Variants in CDCP1 observed in about 807,000 individuals in gnomAD.
The protein encoded by CDCP1 is CUB domain-containing protein 1.
CDCP1 carries 29 observed loss-of-function variants against 60.2 expected under a neutral mutation model. The ratio of observed to expected loss-of-function variants is 0.48; its 90% CI spans 0.36 to 0.66. The LOEUF is 0.66. Among genes scored for constraint, CDCP1 ranks in the 30% least tolerant of loss-of-function variants. CDCP1 has a pLI of 0.00. For synonymous variants in CDCP1, 387 were observed against 431.1 expected, an observed-to-expected ratio of 0.90 and a Z score of 1.27; for missense variants, 876 against 1,074.3, an observed-to-expected ratio of 0.82 and a Z score of 2.58.
At position 45,110,714 on chromosome 3, in the gene CDCP1, C is replaced by G. The variant is rs1041938559; in HGVS notation, c.783G>C (p.Arg261=). The stretch of plus-strand genomic sequence containing the variant: ...TGAAGTTGAGGAAGGAGACGCTGGC[C>G]CGCAGGTGTGCAGGAACGACAAACT... ...TWQFVVPAHL[R]ASVSFLNFNL... is the part of the protein sequence containing the mutation. The change falls in exon 4 of 9, where the codon CGG becomes CGC. Residue 261 remains arginine, a synonymous_variant. Coordinates refer to ENST00000296129, the MANE Select transcript of CDCP1 (RefSeq NM_022842.5). 1 of 1,614,194 alleles carries G rather than the reference C, an allele frequency of 6.2e-7. No individual in the cohort carries two copies. The highest frequency in any genetic ancestry group is 8.5e-7 in the Non-Finnish European group (1 of 1,180,048).
chr3:45,118,601 G>C lies in CDCP1; in HGVS notation c.103C>G (p.Pro35Ala). Residue 35 changes from proline to alanine, a missense_variant, in exon 2 of 9, where the codon CCA becomes GCA. This residue lies in a region of CDCP1 where 150 missense variants were observed against 138.6 expected (regional missense o/e 1.08). Transcript: ENST00000296129. The stretch of plus-strand genomic sequence containing the variant: ...AGAACTGTAATGTTGCTTTCTCGTG[G>C]CAGAGCAATCTCAAAAGCTTCTGAA... ...RGAEAFEIAL[P>A]RESNITVLIK... 1 of 1,613,894 alleles carries C rather than the reference G, an allele frequency of 6.2e-7. No individual in the cohort carries two copies. The highest frequency in any genetic ancestry group is 1.3e-5 in the African/African-American group (1 of 75,012).
In CDCP1 at chr3:45,085,668, G is replaced by A. The variant is rs1384343176; in HGVS notation, c.2481C>T (p.Asn827=). 2.5e-6 allele frequency: 4 copies of A among 1,614,008 alleles called. No homozygotes were observed. The highest frequency in any genetic ancestry group is 1.6e-4 in the Middle Eastern group (1 of 6,062). ...CTGCTGGCTCCATGGGCTCCTGAGT[G>A]TTCAGTAAGGGAATGTCTGTGTCCT... ...SSKDTDIPLL[N]TQEPMEPAE is the part of the protein sequence containing the mutation. The change falls in exon 9 of 9, where the codon AAC becomes AAT. Residue 827 remains asparagine (N), a synonymous_variant. Coordinates refer to ENST00000296129, the MANE Select transcript of CDCP1 (RefSeq NM_022842.5). The surrounding 1 kb of genome is among the most constrained non-coding windows in gnomAD (Gnocchi z 4.2).
At chr3:45,145,718 ACTTTTTTTGCACCTTCTCT>A (rs1699371045) in intron 1 of CDCP1, among the ~76,000 whole-genome samples, 1 of 152,100 alleles carries the variant, frequency 6.6e-6, no homozygotes, top group Admixed American at 6.5e-5. Flanking sequence ...ACGTGAAAGC[ACTTTTTTTGCACCTTCTCT>A]CTGGACCAGG....
chr3:45,109,127 T>C (rs760019953), intron 4 of CDCP1, among the ~76,000 whole-genome samples: 8 of 151,372 alleles, frequency 5.3e-5, no homozygotes, highest in Non-Finnish European at 1.0e-4. Flanking sequence ...TTTTTGACTT[T>C]TTTGTAGGAC....
In CDCP1 at chr3:45,133,717, C is replaced by CAA. The variant is rs1215278385; in HGVS notation, c.82+12487_82+12488dup. On this transcript the variant is annotated intron_variant, in intron 1 of 8. Transcript: ENST00000296129. ...TGGGCGACAGAGCGAGACTCCGTCTCAAAAAAAAAAAAAAAAAAAAAAAAA... is the reference window on the plus strand; with the variant it reads ...TGGGCGACAGAGCGAGACTCCGTCTCAAAAAAAAAAAAAAAAAAAAAAAAAAA... Among the ~76,000 whole-genome samples, 10 of 50,282 alleles carry CAA rather than the reference C, an allele frequency of 2.0e-4. 1 individual carries two copies. The highest frequency in any genetic ancestry group is 1.1e-3 in the African/African-American group (8 of 7,376). The allele number at this position is 50,282 out of a possible 152,430, so 33.0% of individuals were successfully genotyped here.
At chr3:45,103,204 TG>T (rs1184099929) in intron 4 of CDCP1, among the ~76,000 whole-genome samples, 1 of 152,226 alleles carries the variant, frequency 6.6e-6, no homozygotes, top group Non-Finnish European at 1.5e-5. Context: ...CTGGCTGCCC[TG>T]GAACTTCATA....
In CDCP1 at chr3:45,085,684, T is replaced by C; in HGVS notation, c.2465A>G (p.Asp822Gly). 6.2e-6 allele frequency: 10 copies of C among 1,614,186 alleles called. No homozygotes were observed. Among genetic ancestry groups the C allele is most frequent in the Non-Finnish European group, 7.6e-6 (9 of 1,180,024 alleles). Residue 822 changes from aspartate (D) to glycine (G), a missense_variant, in exon 9 of 9, where the codon GAC (aspartate) becomes GGC (glycine). By Grantham distance (94) the Asp-to-Gly change is moderately conservative. This residue lies in a region of CDCP1 where 726 missense variants were observed against 935.7 expected (regional missense o/e 0.78). Transcript: ENST00000296129. This position sits in a 1 kb window ranked among gnomAD's most constrained non-coding sequence, Gnocchi z 4.2. ...NNGDVSSKDT[D>G]IPLLNTQEPM... ...CTCCTGAGTGTTCAGTAAGGGAATG[T>C]CTGTGTCCTTGCTGCTTACATCCCC...
rs1199202605 is a variant in CDCP1, at chr3:45,083,331, T to G, written c.*2307A>C. Reference sequence around the variant, plus strand: ...GGCAACGCCAAGGGCATGACTTAAATATCCTATCCTCTGGAAAGTGTTCAA... The same window carrying G: ...GGCAACGCCAAGGGCATGACTTAAAGATCCTATCCTCTGGAAAGTGTTCAA... On this transcript the variant is annotated 3_prime_UTR_variant, in exon 9 of 9. Coordinates refer to ENST00000296129, the MANE Select transcript of CDCP1 (RefSeq NM_022842.5). The G allele has an allele frequency of 1.3e-5, 2 of 152,214 alleles. No individual in the cohort carries two copies. The highest frequency in any genetic ancestry group is 1.5e-5 in the Non-Finnish European group (1 of 68,040). The allele number at this position is 152,214 out of a possible 1,614,324, so 9.4% of individuals were successfully genotyped here. A position where few individuals can be genotyped will look rare whatever the true frequency, so the allele number is the denominator to read the frequency against.
intron 7 of CDCP1, 41 bp from the exon 8 acceptor site, chr3:45,089,182 G>A (rs759680648): frequency 2.6e-6 from 4 of 1,537,660 alleles, no homozygotes; most frequent in East Asian, 4.5e-5. Context: ...AGAGGCAGCT[G>A]GGGTGAGCTC....
At chr3:45,145,367 A>G (rs991666255) in intron 1 of CDCP1, among the ~76,000 whole-genome samples, 1 of 152,220 alleles carries the variant, frequency 6.6e-6, no homozygotes, top group Admixed American at 6.5e-5. Flanking sequence ...ACATGAAGAA[A>G]CCAGGTTATT....
chr3:45,089,217 A>G (rs575376714), intron 7 of CDCP1, 76 bp from the exon 8 acceptor site: 19 of 1,173,958 alleles, frequency 1.6e-5, no homozygotes, highest in Admixed American at 7.6e-5. Context: ...GGCATCTCCA[A>G]AAGCAGCTGC....
chr3:45,103,585 A>G (rs991564691), intron 4 of CDCP1, among the ~76,000 whole-genome samples: 5 of 152,150 alleles, frequency 3.3e-5, no homozygotes, highest in African/African-American at 1.2e-4. Flanking sequence ...CCAGTGGGGC[A>G]ATGTTGGGAG....
chr3:45,133,350 C>T (rs767979004), intron 1 of CDCP1, among the ~76,000 whole-genome samples: 1 of 151,396 alleles, frequency 6.6e-6, no homozygotes, highest in Non-Finnish European at 1.5e-5. Context: ...TTCCGACCTA[C>T]AGAACTGTGA....
chr3:45,097,751 T>C (rs17077271), intron 4 of CDCP1, among the ~76,000 whole-genome samples: 1 of 152,200 alleles, frequency 6.6e-6, no homozygotes, highest in Non-Finnish European at 1.5e-5. Flanking sequence ...GTCAAATTAG[T>C]AGCACAATTA....
chr3:45,134,844 G>T (rs1420419916), intron 1 of CDCP1, among the ~76,000 whole-genome samples: 1 of 152,154 alleles, frequency 6.6e-6, no homozygotes. Flanking sequence ...CTTCCAGGAG[G>T]TATTATGTCA....
At chr3:45,131,712 A>G (rs188834787) in intron 1 of CDCP1, among the ~76,000 whole-genome samples, 12 of 152,244 alleles carry the variant, frequency 7.9e-5, no homozygotes, top group Admixed American at 7.8e-4. Context: ...AAACTTGTTT[A>G]AACAAAAATG....
At position 45,112,414 on chromosome 3, in the gene CDCP1, C is replaced by G; in HGVS notation, c.324G>C (p.Glu108Asp). The change falls in exon 3 of 9, where the codon GAG (glutamate) becomes GAC (aspartate). Residue 108 changes from glutamate (E) to aspartate (D), a missense_variant. By Grantham distance (45) the Glu-to-Asp change is conservative. Transcript: ENST00000296129. ...DCMSGPCPFG[E>D]VQLQPSTSLL... ...ACGATGTCGAGGGCTGAAGCTGAAC[C>G]TCCCCAAAAGGACATGGGCCTGACA... 2 of 1,614,122 alleles carry G rather than the reference C, an allele frequency of 1.2e-6. No individual in the cohort carries two copies. Among genetic ancestry groups the G allele is most frequent in the Non-Finnish European group, 1.7e-6 (2 of 1,180,000 alleles).
At chr3:45,111,545 G>A (rs1035919262) in intron 3 of CDCP1, among the ~76,000 whole-genome samples, 1 of 152,232 alleles carries the variant, frequency 6.6e-6, no homozygotes, top group Non-Finnish European at 1.5e-5. Context: ...GTGTGGTGGC[G>A]CACGACTATA....
intron 1 of CDCP1, among the ~76,000 whole-genome samples, chr3:45,127,754 C>G (rs1366109984): frequency 3.3e-5 from 5 of 152,216 alleles, no homozygotes; most frequent in African/African-American, 1.2e-4. Context: ...ACCTTATTCC[C>G]ATGGCTGGTT....
Sources: allele counts gnomAD v4.1 joint callset (sites outside exome capture counted in the v4.1 genomes callset), GRCh38; gene constraint gnomAD v4.1.1; regional missense constraint gnomAD v4.1.1; non-coding constraint Gnocchi (gnomAD v3.1); transcripts MANE v1.5; gene names NCBI Gene and HGNC (gene_info 2026-07-23, HGNC 2026-07-21).